Variants in TTLL7 observed in about 807,000 individuals in gnomAD.
TTLL7 encodes tubulin tyrosine ligase like 7.
Under a neutral mutation model 120.2 loss-of-function variants are expected in TTLL7, and 53 were observed. That is an observed-to-expected ratio of 0.44 (90% CI 0.35 to 0.55). The LOEUF (loss-of-function observed/expected upper bound fraction) is 0.55. TTLL7 is among the 20% of genes least tolerant of loss of function. The pLI, the probability that TTLL7 is intolerant of heterozygous loss-of-function variation, is 0.00. For missense variants in TTLL7, 803 were observed against 1,054.7 expected (o/e 0.76, Z 3.31); for synonymous variants, 353 against 351.7 (o/e 1.00, Z -0.04).
chr1:83,965,009 A>T (rs1650324880), intron 1 of TTLL7, among the ~76,000 whole-genome samples: 1 of 152,096 alleles, frequency 6.6e-6, no homozygotes, highest in Non-Finnish European at 1.5e-5. Context: ...ATGGACCACA[A>T]AATTGTTATC....
intron 1 of TTLL7, among the ~76,000 whole-genome samples, chr1:83,990,268 T>C (rs12142868): frequency 0.046 from 6,960 of 149,738 alleles, 212 homozygotes; most frequent in Middle Eastern, 0.1. Flanking sequence ...CTCCGCTTCC[T>C]GGGTTCACGC....
At chr1:83,939,659 C>A (rs1158378736) in intron 7 of TTLL7, among the ~76,000 whole-genome samples, 1 of 152,042 alleles carries the variant, frequency 6.6e-6, no homozygotes, top group Admixed American at 6.5e-5. Context: ...TTGGTGTACA[C>A]AAAATTTTTC....
chr1:83,966,781 A>G (rs1472695414), intron 1 of TTLL7, among the ~76,000 whole-genome samples: 3 of 152,138 alleles, frequency 2.0e-5, no homozygotes, highest in South Asian at 4.1e-4. Context: ...TCAAGTGGTT[A>G]GTCCTGACAC....
chr1:83,929,110 T>G, intron 10 of TTLL7, 26 bp downstream of exon 10: 1 of 1,507,302 alleles, frequency 6.6e-7, no homozygotes, highest in Non-Finnish European at 9.1e-7. Context: ...GAGATAAATG[T>G]CCAAAAGATA....
At position 83,867,245 on chromosome 1, in the gene TTLL7, C is replaced by T. The variant is rs1652976414; in HGVS notation, c.*2717G>A. ...AAATCATTTCCATGGCCTCCCAACACTTCCATGGTTTATTGTTGTGTCTTC... is the reference window on the plus strand; with the variant it reads ...AAATCATTTCCATGGCCTCCCAACATTTCCATGGTTTATTGTTGTGTCTTC... On this transcript the variant is annotated 3_prime_UTR_variant, in exon 21 of 21. Transcript: ENST00000260505. The T allele has an allele frequency of 6.6e-6, 1 of 152,028 alleles. No homozygotes were observed. Among genetic ancestry groups the T allele is most frequent in the African/African-American group, 2.4e-5 (1 of 41,442 alleles). The allele number at this position is 152,028 out of a possible 1,614,324, so 9.4% of individuals were successfully genotyped here.
chr1:83,941,708 T>C (rs958722671), intron 7 of TTLL7, among the ~76,000 whole-genome samples: 2 of 152,212 alleles, frequency 1.3e-5, no homozygotes, highest in African/African-American at 4.8e-5. Context: ...AACTAAAGTT[T>C]AAGTATGCAT....
chr1:83,983,149 T>C (rs993710495), intron 1 of TTLL7, among the ~76,000 whole-genome samples: 1 of 151,952 alleles, frequency 6.6e-6, no homozygotes, highest in African/African-American at 2.4e-5. Flanking sequence ...CTGGGCAACA[T>C]GGTGAAACCC....
chr1:83,876,886 G>C (rs1027124560), intron 20 of TTLL7, among the ~76,000 whole-genome samples: 1 of 151,794 alleles, frequency 6.6e-6, no homozygotes, highest in Non-Finnish European at 1.5e-5. Context: ...CAAACCTAAT[G>C]CCTTTTATTT....
At position 83,898,640 on chromosome 1, in the gene TTLL7, A is replaced by T. The variant is rs916375039; in HGVS notation, c.2208+5439T>A. ...AGCTCTTATATTGTCAGGCAAAAAA[A>T]AATAATTCAGTCAGTCACTGTCTGA... On this transcript the variant is annotated intron_variant, in intron 18 of 20. Transcript: ENST00000260505. Among the ~76,000 whole-genome samples the T allele has an allele frequency of 4.6e-5, 7 of 151,968 alleles. No individual in the cohort carries two copies. In the South Asian group the frequency reaches 6.2e-4, roughly 13 times the overall value.
In TTLL7 at chr1:83,907,490, T is replaced by G; in HGVS notation, c.1958A>C (p.His653Pro). 1 of 1,613,048 alleles carries G rather than the reference T, an allele frequency of 6.2e-7. No homozygotes were observed. Among genetic ancestry groups the G allele is most frequent in the Non-Finnish European group, 8.5e-7 (1 of 1,179,314 alleles). The part of the protein sequence containing the change: ...RASSYMRHLP[H>P]SNDACSTNSQ... ...GTTGGTAGAGCAGGCATCATTACTG[T>G]GAGGCAGATGCCTCATGTAGGAGGA... is the stretch of plus-strand genomic sequence containing the variant. Residue 653 changes from histidine (H) to proline (P), a missense_variant, in exon 16 of 21, where the codon CAC becomes CCC. By Grantham distance (77) the His-to-Pro change is moderately conservative. Around this residue, in one of 3 missense-constraint regions of TTLL7, gnomAD observed 388 missense variants for 450.4 expected, o/e 0.86. Coordinates refer to ENST00000260505, the MANE Select transcript of TTLL7 (RefSeq NM_024686.6).
chr1:83,919,653 G>A (rs1174219233), intron 13 of TTLL7, 46 bp downstream of exon 13: 1 of 1,543,016 alleles, frequency 6.5e-7, no homozygotes, highest in African/African-American at 1.4e-5. Flanking sequence ...AAGACATATT[G>A]TTTAGCTTTA....
At chr1:83,971,983 A>T (rs1651033818) in intron 1 of TTLL7, among the ~76,000 whole-genome samples, 1 of 149,882 alleles carries the variant, frequency 6.7e-6, no homozygotes, top group African/African-American at 2.4e-5. Flanking sequence ...ATTCACAGAA[A>T]AATTAAGAGG....
Position 83,869,881 on chromosome 1 carries a change from T to C in TTLL7, c.*81A>G. On this transcript the variant is annotated 3_prime_UTR_variant, in exon 21 of 21. Coordinates refer to ENST00000260505, the MANE Select transcript of TTLL7 (RefSeq NM_024686.6). ...ATATACATAAAACAGCACTTAATGG[T>C]CATGTTCTTTGCATGTTCAACTTCA... The C allele has an allele frequency of 6.5e-7, 1 of 1,540,482 alleles. No homozygotes were observed. Among genetic ancestry groups the C allele is most frequent in the Non-Finnish European group, 8.8e-7 (1 of 1,140,108 alleles).
intron 1 of TTLL7, among the ~76,000 whole-genome samples, chr1:83,964,762 T>C (rs1650303504): frequency 6.6e-6 from 1 of 152,154 alleles, no homozygotes; most frequent in South Asian, 2.1e-4. Flanking sequence ...GAGAGATACA[T>C]TCAAGAATGA....
Position 83,866,961 on chromosome 1 carries a change from G to A in TTLL7, c.*3001C>T, listed in dbSNP as rs1172012186. The A allele has an allele frequency of 1.3e-5, 2 of 151,718 alleles. No individual in the cohort carries two copies. Among genetic ancestry groups the A allele is most frequent in the African/African-American group, 4.8e-5 (2 of 41,316 alleles). 9.4% of individuals were successfully genotyped at this position (151,718 alleles called of 1,614,324 possible). A position where few individuals can be genotyped will look rare whatever the true frequency, so the allele number is the denominator to read the frequency against. ...ATTATTCAAATATTGCATAGTTCTA[G>A]AAAGCATTCCAATCTTAGATTTACT... is the stretch of plus-strand genomic sequence containing the variant. On this transcript the variant is annotated 3_prime_UTR_variant, in exon 21 of 21. Coordinates refer to ENST00000260505, the MANE Select transcript of TTLL7 (RefSeq NM_024686.6).
intron 14 of TTLL7, among the ~76,000 whole-genome samples, chr1:83,915,145 C>T (rs1188234978): frequency 6.7e-6 from 1 of 148,562 alleles, no homozygotes; most frequent in African/African-American, 2.5e-5. Flanking sequence ...AAGTCAATGA[C>T]TTTTTTTTTT....
chr1:83,955,561 A>G (rs1441227679), intron 1 of TTLL7, among the ~76,000 whole-genome samples: 2 of 152,194 alleles, frequency 1.3e-5, no homozygotes, highest in African/African-American at 4.8e-5. Context: ...TTAAAAGCAG[A>G]AACAGCAGCC....
intron 1 of TTLL7, among the ~76,000 whole-genome samples, chr1:83,960,458 AC>A: frequency 6.6e-6 from 1 of 152,232 alleles, no homozygotes; most frequent in East Asian, 1.9e-4. Flanking sequence ...GGACTTGGTG[AC>A]TGATAAGGAA....
At chr1:83,978,396 A>C (rs921510802) in intron 1 of TTLL7, among the ~76,000 whole-genome samples, 5 of 152,198 alleles carry the variant, frequency 3.3e-5, no homozygotes, top group African/African-American at 9.7e-5. Context: ...CCAGAACCCT[A>C]TCCAAAGCTC....
Sources: gnomAD v4.1 joint callset for allele counts (sites outside exome capture counted in the v4.1 genomes callset) on GRCh38, gnomAD v4.1.1 for gene constraint, gnomAD v4.1.1 regional missense constraint, MANE v1.5 for transcripts, NCBI Gene and HGNC (gene_info 2026-07-23, HGNC 2026-07-21) for gene names.